The following BMPR1B variants were observed in gnomAD, a reference collection of about 807,000 sequenced individuals.
BMPR1B encodes the protein bone morphogenetic protein receptor type-1B.
BMPR1B carries 12 observed loss-of-function variants against 59.1 expected under a neutral mutation model. The ratio of observed to expected loss-of-function variants is 0.20; its 90% CI spans 0.13 to 0.33. The LOEUF is 0.33. Among genes scored for constraint, BMPR1B ranks in the 10% least tolerant of loss-of-function variants. The pLI, the probability that BMPR1B is intolerant of heterozygous loss-of-function variation, is 1.00. For synonymous variants in BMPR1B, 237 were observed against 207.3 expected (o/e 1.14, Z -1.23); for missense variants, 550 against 610.9 (o/e 0.90, Z 1.05).
intron 2 of BMPR1B, among the ~76,000 whole-genome samples, chr4:94,939,493 G>A (rs899233046): frequency 1.3e-5 from 2 of 152,064 alleles, no homozygotes; most frequent in African/African-American, 4.8e-5. Context: ...TGCATATTTG[G>A]ATATTTTCCT....
At chr4:94,835,444 T>C (rs1476862308) in intron 1 of BMPR1B, among the ~76,000 whole-genome samples, 1 of 152,188 alleles carries the variant, frequency 6.6e-6, no homozygotes, top group Non-Finnish European at 1.5e-5. Flanking sequence ...TGCTAGCATT[T>C]TGTCTGAAAT....
At chr4:94,972,969 G>A (rs1362318469) in intron 2 of BMPR1B, among the ~76,000 whole-genome samples, 1 of 152,116 alleles carries the variant, frequency 6.6e-6, no homozygotes, top group Admixed American at 6.6e-5. Context: ...AGTGCTTTTG[G>A]GTGTTGGCAG....
chr4:94,879,777 T>C (rs1726884611), intron 2 of BMPR1B, among the ~76,000 whole-genome samples: 1 of 152,176 alleles, frequency 6.6e-6, no homozygotes, highest in African/African-American at 2.4e-5. Context: ...CATGATATAT[T>C]TCTGTCATTA....
chr4:95,085,610 A>G (rs1729515466), intron 3 of BMPR1B, among the ~76,000 whole-genome samples: 1 of 152,206 alleles, frequency 6.6e-6, no homozygotes, highest in African/African-American at 2.4e-5. Flanking sequence ...AATGTTAGTA[A>G]TGAAGGTCTC....
At chr4:94,790,403 GAGTT>G (rs1484835750) in intron 1 of BMPR1B, among the ~76,000 whole-genome samples, 1 of 152,190 alleles carries the variant, frequency 6.6e-6, no homozygotes, top group African/African-American at 2.4e-5. Flanking sequence ...AATAAGTACT[GAGTT>G]TGGGGGATAC....
intron 2 of BMPR1B, among the ~76,000 whole-genome samples, chr4:94,942,710 G>A (rs1423765110): frequency 3.3e-5 from 5 of 152,272 alleles, no homozygotes; most frequent in Admixed American, 6.5e-5. Flanking sequence ...ATGACATGCC[G>A]TTATTGAACT....
At chr4:94,937,594 G>T (rs758559549) in intron 2 of BMPR1B, among the ~76,000 whole-genome samples, 11 of 152,132 alleles carry the variant, frequency 7.2e-5, no homozygotes, top group Non-Finnish European at 1.5e-4. Context: ...TCTGTTTAGG[G>T]TTGAGATTTT....
chr4:94,962,090 TC>T, intron 2 of BMPR1B, among the ~76,000 whole-genome samples: 1 of 134,198 alleles, frequency 7.5e-6, no homozygotes, highest in African/African-American at 3.4e-5. Context: ...CTTCCTTCCT[TC>T]CTTCCTTCCT....
chr4:94,770,889 A>C (rs1448721915), intron 1 of BMPR1B, among the ~76,000 whole-genome samples: 2 of 10,584 alleles, frequency 1.9e-4, no homozygotes, highest in East Asian at 4.0e-3. Context: ...TTAGCCCTGC[A>C]AAAAAAAAAA....
rs369789441 is a variant in BMPR1B at position 95,145,771 on chromosome 4, A to G, written c.1077-2977A>G. On this transcript the variant is annotated intron_variant, in intron 10 of 12. Coordinates refer to ENST00000515059, the MANE Select transcript of BMPR1B (RefSeq NM_001203.3). ...TTACAGTATCAGATATGGATTACCT[A>G]TAATTCTCATGTTTGTTGTTTAAGT... Among the ~76,000 whole-genome samples the G allele has an allele frequency of 9.4e-4, 143 of 152,332 alleles. 1 individual carries two copies. The highest frequency in any genetic ancestry group is 1.7e-3 in the South Asian group (8 of 4,822).
In BMPR1B at chr4:95,144,545, A is replaced by G. The variant is rs567039392; in HGVS notation, c.1077-4203A>G. 4.6e-5 allele frequency among the ~76,000 whole-genome samples: 7 copies of G among 151,976 alleles called. No individual in the cohort carries two copies. The South Asian group carries it at 1.2e-3, about 27-fold the overall frequency. On this transcript the variant is annotated intron_variant, in intron 10 of 12. Coordinates refer to ENST00000515059, the MANE Select transcript of BMPR1B (RefSeq NM_001203.3). ...AAAACTAAGAAAGCTTTTTTCCTGG[A>G]GAGGAATTTATCTGACATCTCTTTA...
At chr4:94,934,615 C>G (rs959100760) in intron 2 of BMPR1B, among the ~76,000 whole-genome samples, 3 of 152,030 alleles carry the variant, frequency 2.0e-5, no homozygotes, top group Non-Finnish European at 2.9e-5. Flanking sequence ...CTACTGCACC[C>G]CTGACCTGGG....
At chr4:94,968,230 C>G (rs1191756158) in intron 2 of BMPR1B, among the ~76,000 whole-genome samples, 1 of 152,112 alleles carries the variant, frequency 6.6e-6, no homozygotes, top group Non-Finnish European at 1.5e-5. Context: ...TTAAAGCTTT[C>G]TAGTAATGGT....
intron 1 of BMPR1B, among the ~76,000 whole-genome samples, chr4:94,796,826 G>A (rs570175079): frequency 1.1e-4 from 17 of 152,266 alleles, no homozygotes; most frequent in Admixed American, 6.5e-4. Context: ...AAATAAGCTC[G>A]AAGATAATTT....
chr4:95,045,959 C>T (rs978702248), intron 3 of BMPR1B, among the ~76,000 whole-genome samples: 12 of 152,114 alleles, frequency 7.9e-5, no homozygotes, highest in Admixed American at 4.6e-4. Flanking sequence ...AAATTGGTAG[C>T]AAGGTAGTCT....
At chr4:94,794,231 A>C (rs75147712) in intron 1 of BMPR1B, among the ~76,000 whole-genome samples, 19,703 of 123,654 alleles carry the variant, frequency 0.16, 1,409 homozygotes, top group Non-Finnish European at 0.2. Flanking sequence ...TCAGCTTTCT[A>C]CATATGGCTA....
At chr4:94,878,733 GC>G (rs921178840) in intron 2 of BMPR1B, among the ~76,000 whole-genome samples, 5 of 142,288 alleles carry the variant, frequency 3.5e-5, no homozygotes, top group African/African-American at 7.9e-5. Context: ...AACAGGTTCT[GC>G]TTTTTTTTTT....
chr4:94,951,652 C>T (rs528223686), intron 2 of BMPR1B, among the ~76,000 whole-genome samples: 20 of 152,200 alleles, frequency 1.3e-4, no homozygotes, highest in Admixed American at 8.5e-4. Flanking sequence ...CTGCTGGATT[C>T]GTTTTGCCAG....
intron 2 of BMPR1B, among the ~76,000 whole-genome samples, chr4:94,885,366 T>C (rs953768212): frequency 6.6e-6 from 1 of 152,238 alleles, no homozygotes; most frequent in African/African-American, 2.4e-5. Context: ...ACATCATTAT[T>C]ATTGCGGTTT....
Sources: allele counts gnomAD v4.1 joint callset (sites outside exome capture counted in the v4.1 genomes callset), GRCh38; gene constraint gnomAD v4.1.1; transcripts MANE v1.5; gene names NCBI Gene and HGNC (gene_info 2026-07-23, HGNC 2026-07-21).